Variants in ISL1 observed in about 807,000 individuals in gnomAD.
ISL1 encodes ISL LIM homeobox 1.
In ISL1, 4 loss-of-function variants were observed where a neutral mutation model predicts 35.3. The ratio of observed to expected loss-of-function variants is 0.11; its 90% confidence interval spans 0.06 to 0.26. The LOEUF (loss-of-function observed/expected upper bound fraction) is 0.26, where lower values mean the gene tolerates loss of function less well. Ranked by LOEUF, ISL1 falls within the 10% of genes least tolerant of loss-of-function variation. The probability of loss-of-function intolerance (pLI) is 1.00; values close to 1 mark genes in which losing one functional copy is unlikely to be tolerated. For synonymous variants in ISL1, 186 were observed against 172.3 expected (o/e 1.08, Z -0.62); for missense variants, 340 against 472.8 (o/e 0.72, Z 2.60).
chr5:51,392,112 TACC>T (rs1286452572), intron 5 of ISL1, among the ~76,000 whole-genome samples: 1 of 152,174 alleles, frequency 6.6e-6, no homozygotes, highest in Non-Finnish European at 1.5e-5. Context: ...ACACAGTGTG[TACC>T]ATGTATAGCA....
At position 51,391,458 on chromosome 5, in the gene ISL1, A is replaced by G. The variant is rs776112092; in HGVS notation, c.933+17A>G. Reference sequence around the variant, plus strand: ...CAGCAACTGGTAAGTGTCAGCTCCCAGATGGAAGAGGCTGAATTCCCAACA... The same window carrying G: ...CAGCAACTGGTAAGTGTCAGCTCCCGGATGGAAGAGGCTGAATTCCCAACA... On this transcript the variant is annotated intron_variant, in intron 5 of 5. Coordinates refer to ENST00000230658, the MANE Select transcript of ISL1 (RefSeq NM_002202.3). 2.0e-5 allele frequency: 32 copies of G among 1,613,860 alleles called. No homozygotes were observed. The highest frequency in any genetic ancestry group is 2.7e-5 in the Non-Finnish European group (32 of 1,179,810).
intron 4 of ISL1, among the ~76,000 whole-genome samples, chr5:51,390,948 G>A (rs1488564845): frequency 6.6e-6 from 1 of 151,990 alleles, no homozygotes; most frequent in Admixed American, 6.5e-5. Context: ...CAGCTTTTTA[G>A]TTCTGGGAAG....
intron 2 of ISL1, 73 bp downstream of exon 2, chr5:51,384,803 G>A: frequency 7.1e-7 from 1 of 1,409,008 alleles, no homozygotes; most frequent in Admixed American, 1.7e-5. Context: ...GTATTATTTG[G>A]TGTGGCTTTG....
At chr5:51,391,730 T>C (rs1206680868) in intron 5 of ISL1, among the ~76,000 whole-genome samples, 1 of 152,108 alleles carries the variant, frequency 6.6e-6, no homozygotes, top group Non-Finnish European at 1.5e-5. Context: ...CTAGGTAGCA[T>C]GTGCCAGAAG....
At position 51,389,527 on chromosome 5, in the gene ISL1, G is replaced by C; in HGVS notation, c.479-119G>C. 3.4e-6 allele frequency: 3 copies of C among 893,172 alleles called. No individual in the cohort carries two copies. Among genetic ancestry groups the C allele is most frequent in the Non-Finnish European group, 4.6e-6 (3 of 647,890 alleles). 55.3% of individuals were successfully genotyped at this position (893,172 alleles called of 1,614,324 possible). Reference sequence around the variant, plus strand: ...AGCCATTGTCCTGAGTATCTCGGGCGGGCGAGCAAGTAAGCGGGCGGGCGG... The same window carrying C: ...AGCCATTGTCCTGAGTATCTCGGGCCGGCGAGCAAGTAAGCGGGCGGGCGG... On this transcript the variant is annotated intron_variant, in intron 3 of 5. Transcript: ENST00000230658. This position sits in a 1 kb window ranked among gnomAD's most constrained non-coding sequence, Gnocchi z 5.0.
chr5:51,385,319 G>A (rs1009973618), intron 2 of ISL1, among the ~76,000 whole-genome samples: 4 of 152,104 alleles, frequency 2.6e-5, no homozygotes, highest in African/African-American at 4.8e-5. Flanking sequence ...AAAAAACACC[G>A]GAAACTTAAT....
chr5:51,390,440 A>C (rs1268493761), intron 4 of ISL1, among the ~76,000 whole-genome samples: 1 of 151,984 alleles, frequency 6.6e-6, no homozygotes, highest in African/African-American at 2.4e-5. Context: ...CTGCGCCTTC[A>C]GGCTGGCGAG....
In ISL1 at chr5:51,389,729, C is replaced by A; in HGVS notation, c.562C>A (p.Leu188Met). ...GAAGACCACCCGCGTGCGGACTGTG[C>A]TGAACGAGAAGCAGCTGCACACCTT... ...PEKTTRVRTV[L>M]NEKQLHTLRT... The change falls in exon 4 of 6, where the codon CTG becomes ATG. Residue 188 changes from leucine to methionine, a missense_variant. Coordinates refer to ENST00000230658, the MANE Select transcript of ISL1 (RefSeq NM_002202.3). This position sits in a 1 kb window ranked among gnomAD's most constrained non-coding sequence, Gnocchi z 5.0. 6.2e-7 allele frequency: 1 copy of A among 1,614,122 alleles called. No individual in the cohort carries two copies. Among genetic ancestry groups the A allele is most frequent in the Non-Finnish European group, 8.5e-7 (1 of 1,180,034 alleles).
rs1284564482 is a variant in ISL1, at chr5:51,387,888, C to A, written c.478+139C>A. Reference sequence around the variant, plus strand: ...AATGAAGTGTTCTGTATGCAATTTGCGCTGTGCTCTGCTCCTTTGCAGCAA... The same window carrying A: ...AATGAAGTGTTCTGTATGCAATTTGAGCTGTGCTCTGCTCCTTTGCAGCAA... On this transcript the variant is annotated intron_variant, in intron 3 of 5. Transcript: ENST00000230658. This position sits in a 1 kb window ranked among gnomAD's most constrained non-coding sequence, Gnocchi z 4.3. The A allele has an allele frequency of 8.7e-7, 1 of 1,148,836 alleles. No individual in the cohort carries two copies. Among genetic ancestry groups the A allele is most frequent in the Non-Finnish European group, 1.2e-6 (1 of 802,444 alleles). The allele number at this position is 1,148,836 out of a possible 1,614,324, so 71.2% of individuals were successfully genotyped here.
rs969270228 is a variant in ISL1 at position 51,383,564 on chromosome 5, C to CA, written c.-107dup. 95 of 971,504 alleles carry CA rather than the reference C, an allele frequency of 9.8e-5. 2 individuals carry two copies. In the Middle Eastern group the frequency reaches 2.7e-3, roughly 28 times the overall value. The allele number at this position is 971,504 out of a possible 1,614,324, so 60.2% of individuals were successfully genotyped here. ...GCGGCTCTTTCAGCATTGGCAACCC[C>CA]AGGGGCCAATATTTCCCACTTAGCC... On this transcript the variant is annotated 5_prime_UTR_variant, in exon 1 of 6. Transcript: ENST00000230658.
intron 2 of ISL1, chr5:51,386,708 T>C (rs1747350454): frequency 2.3e-6 from 1 of 444,020 alleles, no homozygotes; most frequent in Non-Finnish European, 4.5e-6. Context: ...TTCAAGAAAA[T>C]TGAAATGAGG....
At chr5:51,386,382 G>GTA in intron 2 of ISL1, 1 of 192,344 alleles carries the variant, frequency 5.2e-6, no homozygotes, top group South Asian at 4.5e-5. Context: ...AACTCTGTGT[G>GTA]TGTGTGTGTG....
Position 51,383,657 on chromosome 5 carries a change from C to T in ISL1, c.-15C>T. On this transcript the variant is annotated 5_prime_UTR_variant, in exon 1 of 6. Transcript: ENST00000230658. ...AACCACCATTTCACTGTGGACATTA[C>T]TCCCTCTTACAGATATGGGAGACAT... is the stretch of plus-strand genomic sequence containing the variant. 1 of 1,604,060 alleles carries T rather than the reference C, an allele frequency of 6.2e-7. No individual in the cohort carries two copies. The highest frequency in any genetic ancestry group is 1.7e-5 in the Admixed American group (1 of 60,022).
At chr5:51,390,490 T>C (rs1243245104) in intron 4 of ISL1, among the ~76,000 whole-genome samples, 2 of 151,918 alleles carry the variant, frequency 1.3e-5, no homozygotes, top group Non-Finnish European at 2.9e-5. Flanking sequence ...CACCCTCTGC[T>C]CCAGGTGAAG....
Position 51,393,681 on chromosome 5 carries a change from A to C in ISL1, c.*71A>C. ...AATTATAATGTCGAACTCTGAAACA[A>C]AAGTATTTAACGACCCAGTCAATGA... On this transcript the variant is annotated 3_prime_UTR_variant, in exon 6 of 6. Transcript: ENST00000230658. 1.0e-6 allele frequency: 1 copy of C among 952,704 alleles called. No homozygotes were observed. The highest frequency in any genetic ancestry group is 2.4e-5 in the East Asian group (1 of 41,898). The allele number at this position is 952,704 out of a possible 1,614,324, so 59.0% of individuals were successfully genotyped here. A position where few individuals can be genotyped will look rare whatever the true frequency, so the allele number is the denominator to read the frequency against.
rs1747571474 is a variant in ISL1 at position 51,393,732 on chromosome 5, C to A, written c.*122C>A. Reference sequence around the variant, plus strand: ...AAACTGAATCAAGAAATGAATGCTCCATGAAATGCACGAAGTCTGTTTTAA... The same window carrying A: ...AAACTGAATCAAGAAATGAATGCTCAATGAAATGCACGAAGTCTGTTTTAA... On this transcript the variant is annotated 3_prime_UTR_variant, in exon 6 of 6. Transcript: ENST00000230658. 1 of 749,344 alleles carries A rather than the reference C, an allele frequency of 1.3e-6. No individual in the cohort carries two copies. Among genetic ancestry groups the A allele is most frequent in the Non-Finnish European group, 2.4e-6 (1 of 409,180 alleles). The allele number at this position is 749,344 out of a possible 1,614,324, so 46.4% of individuals were successfully genotyped here. A position where few individuals can be genotyped will look rare whatever the true frequency, so the allele number is the denominator to read the frequency against.
In ISL1 at chr5:51,394,165, G is replaced by C. The variant is rs1309653183; in HGVS notation, c.*555G>C. The stretch of plus-strand genomic sequence containing the variant: ...TAACAAGGGGTTAATTGAAATCCTG[G>C]GTCTCTTGGCCTGTCCTGTAGCTGG... On this transcript the variant is annotated 3_prime_UTR_variant, in exon 6 of 6. Transcript: ENST00000230658. 1.9e-5 allele frequency: 3 copies of C among 156,770 alleles called. No individual in the cohort carries two copies. Among genetic ancestry groups the C allele is most frequent in the African/African-American group, 7.2e-5 (3 of 41,406 alleles). 9.7% of individuals were successfully genotyped at this position (156,770 alleles called of 1,614,324 possible). A position where few individuals can be genotyped will look rare whatever the true frequency, so the allele number is the denominator to read the frequency against.
At chr5:51,392,568 C>G (rs1288342325) in intron 5 of ISL1, among the ~76,000 whole-genome samples, 2 of 152,078 alleles carry the variant, frequency 1.3e-5, no homozygotes, top group Non-Finnish European at 2.9e-5. Flanking sequence ...GTCCCTTAAT[C>G]TCATATTGGA....
At chr5:51,384,222 C>A (rs1747282843) in intron 1 of ISL1, among the ~76,000 whole-genome samples, 1 of 133,688 alleles carries the variant, frequency 7.5e-6, no homozygotes, top group Non-Finnish European at 1.5e-5. Context: ...TAATCTTTCC[C>A]AATGATTATA....
Sources: gnomAD v4.1 joint callset for allele counts (sites outside exome capture counted in the v4.1 genomes callset) on GRCh38, gnomAD v4.1.1 for gene constraint, Gnocchi (gnomAD v3.1) non-coding constraint, MANE v1.5 for transcripts, NCBI Gene and HGNC (gene_info 2026-07-23, HGNC 2026-07-21) for gene names.